Variants in ESYT2 observed in about 807,000 individuals in gnomAD.
The protein encoded by ESYT2 is extended synaptotagmin 2, also known as extended synaptotagmin-2.
In ESYT2, 54 loss-of-function variants were observed where a neutral mutation model predicts 107.2. That is an observed-to-expected ratio of 0.50 (90% confidence interval 0.40 to 0.63). ESYT2 has a LOEUF of 0.63. ESYT2 is among the 30% of genes least tolerant of loss of function. The pLI, the probability that ESYT2 is intolerant of heterozygous loss-of-function variation, is 0.00. For missense variants in ESYT2, 1,020 were observed against 1,094.5 expected (o/e 0.93, Z 0.96); for synonymous variants, 491 against 434.1 (o/e 1.13, Z -1.63).
chr7:158,770,644 A>G (rs1174204202), intron 7 of ESYT2, among the ~76,000 whole-genome samples: 2 of 151,926 alleles, frequency 1.3e-5, no homozygotes, highest in Admixed American at 1.3e-4. Context: ...CCTCCCGAGT[A>G]GCTGGGACTA....
chr7:158,800,022 G>A (rs982396801), intron 1 of ESYT2, among the ~76,000 whole-genome samples: 5 of 151,356 alleles, frequency 3.3e-5, no homozygotes, highest in African/African-American at 4.9e-5. Context: ...TTGCATATGC[G>A]TATGATATTT....
intron 6 of ESYT2, among the ~76,000 whole-genome samples, chr7:158,784,481 G>A (rs1213247821): frequency 3.3e-5 from 5 of 152,160 alleles, no homozygotes; most frequent in Non-Finnish European, 7.3e-5. Flanking sequence ...GCAGGAAGAC[G>A]CAAGGCTTTC....
At chr7:158,812,914 T>C (rs1278508586) in intron 1 of ESYT2, among the ~76,000 whole-genome samples, 1 of 152,070 alleles carries the variant, frequency 6.6e-6, no homozygotes, top group Non-Finnish European at 1.5e-5. Flanking sequence ...GTGGTTGCCA[T>C]GGGTTGGGGG....
rs1196228551 is a variant in ESYT2, at chr7:158,731,931, T to C, written c.*2276A>G. The C allele has an allele frequency of 6.6e-6, 1 of 152,194 alleles. No individual in the cohort carries two copies. The highest frequency in any genetic ancestry group is 1.5e-5 in the Non-Finnish European group (1 of 68,008). The allele number at this position is 152,194 out of a possible 1,614,324, so 9.4% of individuals were successfully genotyped here. A position where few individuals can be genotyped will look rare whatever the true frequency, so the allele number is the denominator to read the frequency against. On this transcript the variant is annotated 3_prime_UTR_variant, in exon 23 of 23. Coordinates refer to ENST00000275418, the MANE Select transcript of ESYT2 (RefSeq NM_001367773.1). ...ACTTCAGTGCCTCAGAATCACCCCC[T>C]TTTTTTAAAAGAGAATGGAGGCAGC...
intron 14 of ESYT2, among the ~76,000 whole-genome samples, chr7:158,750,359 A>G (rs1483657233): frequency 6.6e-6 from 1 of 152,204 alleles, no homozygotes; most frequent in Non-Finnish European, 1.5e-5. Context: ...ACTAGCACAG[A>G]TAGTTGATAG....
In ESYT2 at chr7:158,734,217, G is replaced by A. The variant is rs530480541; in HGVS notation, c.2591C>T (p.Ala864Val). 6.6e-5 allele frequency: 107 copies of A among 1,614,080 alleles called. No homozygotes were observed. The highest frequency in any genetic ancestry group is 1.3e-4 in the East Asian group (6 of 44,886). Reference sequence around the variant, plus strand: ...TCCTGCCTGCTGCGGCTATGTCATCGCCTGAGGCCTCGTCCCATCTTCCGT... The same window carrying A: ...TCCTGCCTGCTGCGGCTATGTCATCACCTGAGGCCTCGTCCCATCTTCCGT... ...DLTEDGTRPQ[A>V]MT Residue 864 changes from alanine (A) to valine (V), a missense_variant, in exon 23 of 23, where the codon GCG (alanine) becomes GTG (valine). Coordinates refer to ENST00000275418, the MANE Select transcript of ESYT2 (RefSeq NM_001367773.1).
intron 18 of ESYT2, among the ~76,000 whole-genome samples, chr7:158,740,319 G>A (rs980966408): frequency 7.2e-5 from 11 of 152,226 alleles, no homozygotes; most frequent in African/African-American, 2.7e-4. Context: ...CCAGCCTGCA[G>A]GCTGCAACCC....
intron 3 of ESYT2, among the ~76,000 whole-genome samples, chr7:158,794,049 C>T (rs755888266): frequency 2.4e-4 from 37 of 152,258 alleles, no homozygotes; most frequent in Admixed American, 1.2e-3. Flanking sequence ...GTTGTCAGCA[C>T]ATGTAACAAT....
intron 10 of ESYT2, among the ~76,000 whole-genome samples, chr7:158,762,071 C>T (rs899075070): frequency 4.6e-5 from 7 of 152,042 alleles, no homozygotes; most frequent in Admixed American, 1.3e-4. Flanking sequence ...GCCCGATGGA[C>T]GCCCTCACTC....
intron 3 of ESYT2, among the ~76,000 whole-genome samples, chr7:158,796,880 G>C (rs1021579663): frequency 6.6e-6 from 1 of 150,696 alleles, no homozygotes; most frequent in African/African-American, 2.4e-5. Context: ...CACTGCAGGC[G>C]AGTGGGCAGC....
intron 21 of ESYT2, 25 bp from the exon 22 acceptor site, chr7:158,734,496 A>C: frequency 6.2e-7 from 1 of 1,608,592 alleles, no homozygotes; most frequent in South Asian, 1.1e-5. Context: ...AAAAGCAGTT[A>C]AAGTAGGCTG....
chr7:158,782,668 G>A (rs1391617461), intron 6 of ESYT2, among the ~76,000 whole-genome samples: 2 of 152,218 alleles, frequency 1.3e-5, no homozygotes, highest in Non-Finnish European at 2.9e-5. Context: ...AAGAACAAGT[G>A]TGAGAACAAA....
Position 158,767,915 on chromosome 7 carries a change from A to G in ESYT2, c.804-141T>C, listed in dbSNP as rs143981989. The G allele has an allele frequency of 6.6e-3, 6,019 of 916,892 alleles. 45 individuals carry two copies. The highest frequency in any genetic ancestry group is 8.0e-3 in the Non-Finnish European group (5,265 of 657,142). 56.8% of individuals were successfully genotyped at this position (916,892 alleles called of 1,614,324 possible). On this transcript the variant is annotated intron_variant, in intron 7 of 22. Transcript: ENST00000275418. Reference sequence around the variant, plus strand: ...GGAGTTATCTCATTCCTCCAGTGCAATATTTACAACCTGCATTTCAATTCT... The same window carrying G: ...GGAGTTATCTCATTCCTCCAGTGCAGTATTTACAACCTGCATTTCAATTCT...
intron 7 of ESYT2, among the ~76,000 whole-genome samples, chr7:158,771,857 G>T (rs1838384132): frequency 1.3e-5 from 2 of 152,170 alleles, no homozygotes. Context: ...GGTGTCTCAT[G>T]CCTGTAATCC....
At chr7:158,800,542 T>C (rs1839605557) in intron 1 of ESYT2, among the ~76,000 whole-genome samples, 2 of 152,024 alleles carry the variant, frequency 1.3e-5, no homozygotes, top group South Asian at 4.1e-4. Flanking sequence ...ACTACAGGCA[T>C]GTGCCAACTG....
chr7:158,809,497 A>AAACAAC (rs1554425655), intron 1 of ESYT2, among the ~76,000 whole-genome samples: 1 of 140,532 alleles, frequency 7.1e-6, no homozygotes, highest in Admixed American at 7.2e-5. Context: ...AAAAAAAAAA[A>AAACAAC]CCAGGGGGGA....
chr7:158,782,294 A>AGAG (rs141572147), intron 6 of ESYT2, among the ~76,000 whole-genome samples: 1 of 147,778 alleles, frequency 6.8e-6, no homozygotes, highest in Admixed American at 6.7e-5. Context: ...GAAATGTGTG[A>AGAG]AACAAGTGAA....
intron 1 of ESYT2, among the ~76,000 whole-genome samples, chr7:158,807,200 GA>G (rs1252198975): frequency 7.3e-6 from 1 of 137,556 alleles, no homozygotes; most frequent in Non-Finnish European, 1.5e-5. Context: ...GTAGCGAGCC[GA>G]TATCGCACCA....
chr7:158,792,833 A>C (rs1412190092), intron 4 of ESYT2, among the ~76,000 whole-genome samples: 2 of 133,582 alleles, frequency 1.5e-5, no homozygotes, highest in Non-Finnish European at 3.0e-5. Flanking sequence ...CAGTGGCATG[A>C]TCTCGGCTCA....
Sources: allele counts gnomAD v4.1 joint callset (sites outside exome capture counted in the v4.1 genomes callset), GRCh38; gene constraint gnomAD v4.1.1; transcripts MANE v1.5; gene names NCBI Gene and HGNC (gene_info 2026-07-23, HGNC 2026-07-21).